Variants in AGBL4 observed in about 807,000 individuals in gnomAD.
The protein encoded by AGBL4 is cytosolic carboxypeptidase 6.
A neutral mutation model predicts 66.4 loss-of-function variants in AGBL4; 58 were observed. The observed-to-expected ratio is 0.87, with a 90% CI of 0.71 to 1.09. The LOEUF (loss-of-function observed/expected upper bound fraction) is 1.09, where lower values mean the gene tolerates loss of function less well. AGBL4 is among the 50% of genes least tolerant of loss of function. The pLI, the probability that AGBL4 is intolerant of heterozygous loss-of-function variation, is 0.00. For missense variants in AGBL4, 579 were observed against 631.0 expected, an observed-to-expected ratio of 0.92 and a Z score of 0.88; for synonymous variants, 234 against 222.9, an observed-to-expected ratio of 1.05 and a Z score of -0.44.
intron 6 of AGBL4, among the ~76,000 whole-genome samples, chr1:48,714,333 T>C (rs6683553): frequency 0.98 from 149,393 of 152,292 alleles, 73,339 homozygotes; most frequent in East Asian, 1. Flanking sequence ...GGACAAATCT[T>C]CAGTCCCCTC....
chr1:49,923,288 C>T (rs1026174885), intron 1 of AGBL4, among the ~76,000 whole-genome samples: 4 of 152,118 alleles, frequency 2.6e-5, no homozygotes, highest in African/African-American at 9.7e-5. Flanking sequence ...AACTGGATCC[C>T]TTCCTTTTAC....
chr1:49,115,229 ACT>A (rs1056352470), intron 4 of AGBL4, among the ~76,000 whole-genome samples: 1 of 152,150 alleles, frequency 6.6e-6, no homozygotes, highest in Non-Finnish European at 1.5e-5. Context: ...CATTCAGATA[ACT>A]CTTCTGATTT....
At chr1:49,746,127 C>T (rs1290056113) in intron 2 of AGBL4, among the ~76,000 whole-genome samples, 1 of 151,906 alleles carries the variant, frequency 6.6e-6, no homozygotes. Flanking sequence ...AGTATAGCCT[C>T]AGCGTCTCTG....
chr1:49,986,022 C>CA (rs1482675281), intron 1 of AGBL4, among the ~76,000 whole-genome samples: 1 of 152,104 alleles, frequency 6.6e-6, no homozygotes, highest in African/African-American at 2.4e-5. Context: ...TTCCAGATAA[C>CA]ATAAGAAATC....
intron 3 of AGBL4, among the ~76,000 whole-genome samples, chr1:49,662,226 C>CACAT (rs1179777849): frequency 6.6e-6 from 1 of 150,580 alleles, no homozygotes; most frequent in African/African-American, 2.4e-5. Context: ...ATATATATAA[C>CACAT]ACATACATAC....
chr1:49,883,063 G>T (rs1647587648), intron 1 of AGBL4, among the ~76,000 whole-genome samples: 1 of 152,036 alleles, frequency 6.6e-6, no homozygotes, highest in Non-Finnish European at 1.5e-5. Context: ...TGCAAGTAAG[G>T]TGTAAACCAA....
chr1:49,817,835 G>A (rs1457975228), intron 2 of AGBL4, among the ~76,000 whole-genome samples: 1 of 152,120 alleles, frequency 6.6e-6, no homozygotes, highest in African/African-American at 2.4e-5. Context: ...TGTAACTAAA[G>A]TAATGCATTT....
chr1:49,811,651 C>T (rs1324741508), intron 2 of AGBL4, among the ~76,000 whole-genome samples: 3 of 152,006 alleles, frequency 2.0e-5, no homozygotes, highest in Non-Finnish European at 4.4e-5. Flanking sequence ...GATGGGGTGT[C>T]GCTATGTTGC....
intron 1 of AGBL4, among the ~76,000 whole-genome samples, chr1:49,917,176 A>G (rs1651622515): frequency 1.3e-5 from 2 of 152,170 alleles, no homozygotes; most frequent in South Asian, 4.1e-4. Flanking sequence ...AATTGCATCA[A>G]CTAAGGAGCA....
At position 49,090,703 on chromosome 1, in the gene AGBL4, C is replaced by G. The variant is rs1644987098; in HGVS notation, c.378-44903G>C. 1.1e-4 allele frequency among the ~76,000 whole-genome samples: 17 copies of G among 151,900 alleles called. No homozygotes were observed. The South Asian group carries it at 3.5e-3, about 32-fold the overall frequency. On this transcript the variant is annotated intron_variant, in intron 4 of 13. Coordinates refer to ENST00000371839, the MANE Select transcript of AGBL4 (RefSeq NM_032785.4). ...TTCGATGCTATTCCTATCAAACTAC[C>G]AATGACACTCTTTGCAGAATTAGAA...
chr1:49,948,452 TAAATATAG>T (rs1188726632), intron 1 of AGBL4, among the ~76,000 whole-genome samples: 174 of 57,052 alleles, frequency 3.0e-3, no homozygotes, highest in African/African-American at 5.2e-3. Flanking sequence ...TATAAATATA[TAAATATAG>T]ATAAATATAT....
Position 49,274,976 on chromosome 1 carries a change from AC to A in AGBL4, c.283-29113del, listed in dbSNP as rs140783016. ...GTATATATTTGTGAACAAAAATAAA[AC>A]ATTTATCTTTCTCACATAATTTCTC... On this transcript the variant is annotated intron_variant, in intron 3 of 13. Transcript: ENST00000371839. Among the ~76,000 whole-genome samples the A allele has an allele frequency of 8.3e-3, 1,269 of 152,314 alleles. 8 individuals are homozygous for A. Among genetic ancestry groups the A allele is most frequent in the Middle Eastern group, 0.031 (9 of 294 alleles).
chr1:49,509,480 C>A (rs1227892990), intron 3 of AGBL4, among the ~76,000 whole-genome samples: 2 of 151,784 alleles, frequency 1.3e-5, no homozygotes, highest in African/African-American at 4.8e-5. Flanking sequence ...GTTATAAAAA[C>A]ATGTGTCTCT....
At chr1:49,836,593 A>T (rs1477184662) in intron 2 of AGBL4, among the ~76,000 whole-genome samples, 1 of 152,188 alleles carries the variant, frequency 6.6e-6, no homozygotes, top group Admixed American at 6.5e-5. Flanking sequence ...CATCAAACTC[A>T]TTCTCTGTCT....
chr1:49,155,630 G>C (rs1405395816), intron 4 of AGBL4, among the ~76,000 whole-genome samples: 1 of 152,132 alleles, frequency 6.6e-6, no homozygotes, highest in Non-Finnish European at 1.5e-5. Flanking sequence ...AAAAAATAGA[G>C]AAGTGGGCTT....
chr1:49,728,698 T>C (rs940908291), intron 2 of AGBL4, among the ~76,000 whole-genome samples: 3 of 152,070 alleles, frequency 2.0e-5, no homozygotes, highest in Non-Finnish European at 2.9e-5. Context: ...AAAAGGAGCC[T>C]AGCAATAGAG....
intron 11 of AGBL4, among the ~76,000 whole-genome samples, chr1:48,573,093 C>G (rs938647512): frequency 1.3e-5 from 2 of 152,214 alleles, no homozygotes; most frequent in Admixed American, 6.5e-5. Flanking sequence ...AGGCCCTGCC[C>G]CTGCCCCTTC....
intron 3 of AGBL4, among the ~76,000 whole-genome samples, chr1:49,464,359 T>C (rs1242662616): frequency 6.6e-6 from 1 of 151,804 alleles, no homozygotes; most frequent in Non-Finnish European, 1.5e-5. Context: ...TTCACATTAA[T>C]TTATTTACTC....
intron 6 of AGBL4, among the ~76,000 whole-genome samples, chr1:48,832,054 G>A (rs1558025766): frequency 6.6e-6 from 1 of 152,168 alleles, no homozygotes; most frequent in Admixed American, 6.5e-5. Context: ...TTTTATAAGT[G>A]AAGAAAAATG....
Sources: gnomAD v4.1 joint callset for allele counts (sites outside exome capture counted in the v4.1 genomes callset) on GRCh38, gnomAD v4.1.1 for gene constraint, MANE v1.5 for transcripts, NCBI Gene and HGNC (gene_info 2026-07-23, HGNC 2026-07-21) for gene names.